ZZEF1: variants seen among roughly 807,000 people sequenced by gnomAD.
ZZEF1 encodes the protein zinc finger ZZ-type and EF-hand domain containing 1.
ZZEF1 carries 157 observed loss-of-function variants against 342.8 expected under a neutral mutation model. The observed-to-expected ratio is 0.46, with a 90% confidence interval of 0.40 to 0.52. The LOEUF is 0.52. Ranked by LOEUF, ZZEF1 falls within the 20% of genes least tolerant of loss-of-function variation. The probability of loss-of-function intolerance (pLI) is 0.00; values close to 1 mark genes in which losing one functional copy is unlikely to be tolerated. For missense variants in ZZEF1, 3,480 were observed against 3,725.6 expected, an observed-to-expected ratio of 0.93 and a Z score of 1.72; for synonymous variants, 1,505 against 1,429.1, an observed-to-expected ratio of 1.05 and a Z score of -1.20.
At chr17:4,040,104 G>C (rs749205788) in intron 39 of ZZEF1, among the ~76,000 whole-genome samples, 2 of 152,096 alleles carry the variant, frequency 1.3e-5, no homozygotes. Flanking sequence ...ACTTCTCATC[G>C]GTTGTTCTAG....
rs1373514119 is a variant in ZZEF1 at position 4,008,691 on chromosome 17, ACT to A, written c.8805+190_8805+191del. On this transcript the variant is annotated intron_variant, in intron 54 of 54. Transcript: ENST00000381638. The surrounding 1 kb of genome is among the most constrained non-coding windows in gnomAD (Gnocchi z 4.2). ...CTGACCCCACAGTTTAGAGTGAATG[ACT>A]CTGATAAATGGGGCTCGTGCATGCT... 4 of 1,360,218 alleles carry A rather than the reference ACT, an allele frequency of 2.9e-6. No homozygotes were observed. In the African/African-American group the frequency reaches 4.4e-5, roughly 15 times the overall value. 84.3% of individuals were successfully genotyped at this position (1,360,218 alleles called of 1,614,324 possible).
intron 40 of ZZEF1, 170 bp downstream of exon 40, chr17:4,033,845 A>T: frequency 1.2e-6 from 1 of 847,428 alleles, no homozygotes; most frequent in Non-Finnish European, 1.8e-6. Flanking sequence ...GCACAGTTTT[A>T]ATGTGGGTTG....
At chr17:4,057,491 C>T (rs559636953) in intron 32 of ZZEF1, among the ~76,000 whole-genome samples, 7 of 152,184 alleles carry the variant, frequency 4.6e-5, no homozygotes, top group Admixed American at 2.0e-4. Context: ...TGGAGAGATA[C>T]GGGCCAAATC....
chr17:4,074,965 A>T lies in ZZEF1; in HGVS notation c.3483+132T>A, dbSNP rs1168846451. The T allele has an allele frequency of 3.1e-6, 3 of 967,502 alleles. No individual in the cohort carries two copies. The African/African-American group carries it at 4.9e-5, about 16-fold the overall frequency. 59.9% of individuals were successfully genotyped at this position (967,502 alleles called of 1,614,324 possible). A position where few individuals can be genotyped will look rare whatever the true frequency, so the allele number is the denominator to read the frequency against. Reference sequence around the variant, plus strand: ...CTATAGCTGGTCAAACTCTGATATAAATCCTTCCTTTCACAAACGTGTAAC... The same window carrying T: ...CTATAGCTGGTCAAACTCTGATATATATCCTTCCTTTCACAAACGTGTAAC... On this transcript the variant is annotated intron_variant, in intron 23 of 54. Coordinates refer to ENST00000381638, the MANE Select transcript of ZZEF1 (RefSeq NM_015113.4).
chr17:4,078,062 C>T lies in ZZEF1; in HGVS notation c.2830-20G>A. The T allele has an allele frequency of 1.9e-6, 3 of 1,605,994 alleles. No homozygotes were observed. Among genetic ancestry groups the T allele is most frequent in the African/African-American group, 1.3e-5 (1 of 74,910 alleles). On this transcript the variant is annotated intron_variant, in intron 18 of 54. Transcript: ENST00000381638. ...CTCGCACTACAAGGGAGGAGACAAA[C>T]AGAAAGTGTTCGTGACAAGGCCATT...
intron 5 of ZZEF1, among the ~76,000 whole-genome samples, chr17:4,110,105 C>A (rs148115976): frequency 3.9e-4 from 59 of 152,206 alleles, no homozygotes; most frequent in African/African-American, 1.4e-3. Context: ...TAAGTCTTTA[C>A]AACAAAACTT....
intron 42 of ZZEF1, among the ~76,000 whole-genome samples, chr17:4,026,125 T>C (rs996842177): frequency 6.6e-6 from 1 of 152,164 alleles, no homozygotes; most frequent in East Asian, 1.9e-4. Flanking sequence ...GACCTGCACA[T>C]TTCTGTGAAA....
chr17:4,139,594 A>C (rs2058809670), intron 1 of ZZEF1, among the ~76,000 whole-genome samples: 1 of 152,258 alleles, frequency 6.6e-6, no homozygotes, highest in Admixed American at 6.5e-5. Flanking sequence ...CTAAGGATAG[A>C]CATTCTTAAA....
chr17:4,081,622 G>C, intron 17 of ZZEF1, 132 bp from the exon 18 acceptor site: 1 of 724,048 alleles, frequency 1.4e-6, no homozygotes, highest in Non-Finnish European at 2.3e-6. Flanking sequence ...TTTGGGTCAG[G>C]AATACAGGCT....
At position 4,049,835 on chromosome 17, in the gene ZZEF1, C is replaced by G. The variant is rs1430426999; in HGVS notation, c.5888G>C (p.Gly1963Ala). ...GKGLKALALL[G>A]VLPDGDSSLE... ...GCTCGAGTCCCCATCTGGCAATACA[C>G]CCAGCAAAGCTAGAGCTTTAAGGCC... Residue 1963 changes from glycine (G) to alanine (A), a missense_variant, in exon 37 of 55, where the codon GGT becomes GCT. Around this residue, in one of 5 missense-constraint regions of ZZEF1, gnomAD observed 1,269 missense variants for 1,342.4 expected, o/e 0.95. Coordinates refer to ENST00000381638, the MANE Select transcript of ZZEF1 (RefSeq NM_015113.4). 6.2e-7 allele frequency: 1 copy of G among 1,614,106 alleles called. No homozygotes were observed. Among genetic ancestry groups the G allele is most frequent in the Admixed American group, 1.7e-5 (1 of 60,016 alleles).
At chr17:4,101,528 A>T (rs1422998507) in intron 9 of ZZEF1, among the ~76,000 whole-genome samples, 1 of 152,230 alleles carries the variant, frequency 6.6e-6, no homozygotes, top group Non-Finnish European at 1.5e-5. Context: ...CAAAGTTGAA[A>T]AGCACATCAG....
At chr17:4,107,409 T>C (rs566693861) in intron 6 of ZZEF1, among the ~76,000 whole-genome samples, 1 of 151,520 alleles carries the variant, frequency 6.6e-6, no homozygotes, top group African/African-American at 2.4e-5. Context: ...TAAGGGGGAG[T>C]CGTCATGGTG....
chr17:4,035,716 T>C (rs906882912), intron 39 of ZZEF1, among the ~76,000 whole-genome samples: 1 of 152,108 alleles, frequency 6.6e-6, no homozygotes, highest in Non-Finnish European at 1.5e-5. Context: ...CCAAACAGCA[T>C]AAGGAGAGTG....
At position 4,050,918 on chromosome 17, in the gene ZZEF1, T is replaced by G. The variant is rs780059970; in HGVS notation, c.5726A>C (p.Tyr1909Ser). The G allele has an allele frequency of 6.2e-7, 1 of 1,614,162 alleles. No individual in the cohort carries two copies. The highest frequency in any genetic ancestry group is 1.1e-5 in the South Asian group (1 of 91,082). Residue 1909 changes from tyrosine to serine, a missense_variant, in exon 36 of 55, where the codon TAT (tyrosine) becomes TCT (serine). Physicochemically the swap from Tyr to Ser is moderately radical, Grantham distance 144 (BLOSUM62 -2). This residue lies in a region of ZZEF1 where 1,269 missense variants were observed against 1,342.4 expected (regional missense o/e 0.95). Coordinates refer to ENST00000381638, the MANE Select transcript of ZZEF1 (RefSeq NM_015113.4). ...SWLLFAALAL[Y>S]SAHLASAEDV... ...CTCTGCACTGGCCAGGTGGGCGCTA[T>G]AGAGAGCCAGGGCAGCAAAGAGCAG...
At chr17:4,058,892 C>G (rs2057226222) in intron 31 of ZZEF1, among the ~76,000 whole-genome samples, 1 of 151,900 alleles carries the variant, frequency 6.6e-6, no homozygotes, top group Non-Finnish European at 1.5e-5. Flanking sequence ...CCAAAAAATC[C>G]CTAATATACC....
At chr17:4,106,009 G>A (rs1333664967) in intron 6 of ZZEF1, among the ~76,000 whole-genome samples, 200 bp from the exon 7 acceptor site, 1 of 152,128 alleles carries the variant, frequency 6.6e-6, no homozygotes, top group African/African-American at 2.4e-5. Context: ...GAGTGCAGTG[G>A]TGCGATCTCG....
Position 4,017,085 on chromosome 17 carries a change from C to A in ZZEF1, c.8001+286G>T. The A allele has an allele frequency of 2.5e-6, 1 of 393,730 alleles. No homozygotes were observed. The highest frequency in any genetic ancestry group is 3.1e-5 in the South Asian group (1 of 31,968). 24.4% of individuals were successfully genotyped at this position (393,730 alleles called of 1,614,324 possible). On this transcript the variant is annotated intron_variant, in intron 48 of 54. Coordinates refer to ENST00000381638, the MANE Select transcript of ZZEF1 (RefSeq NM_015113.4). The surrounding 1 kb of genome is among the most constrained non-coding windows in gnomAD (Gnocchi z 5.1). ...TGTGAAGGTGGGTGAGGGACAGGAT[C>A]AAAAAGGAGCTACCGAATGTGCCTC...
rs575662652 is a variant in ZZEF1, at chr17:4,060,192, G to C, written c.4884-902C>G. On this transcript the variant is annotated intron_variant, in intron 30 of 54. Coordinates refer to ENST00000381638, the MANE Select transcript of ZZEF1 (RefSeq NM_015113.4). Reference sequence around the variant, plus strand: ...AGCTGACTAGTATGACTTTAAATTTGCAACCATAATGATCAAATAAGCCCT... The same window carrying C: ...AGCTGACTAGTATGACTTTAAATTTCCAACCATAATGATCAAATAAGCCCT... Among the ~76,000 whole-genome samples, 3 of 152,294 alleles carry C rather than the reference G, an allele frequency of 2.0e-5. No homozygotes were observed. In the South Asian group the frequency reaches 6.2e-4, roughly 32 times the overall value.
rs922998801 is a variant in ZZEF1, at chr17:4,004,546, G to C, written c.*2344C>G. The C allele has an allele frequency of 3.9e-5, 6 of 152,628 alleles. No homozygotes were observed. The East Asian group carries it at 9.6e-4, about 25-fold the overall frequency. 9.5% of individuals were successfully genotyped at this position (152,628 alleles called of 1,614,324 possible). On this transcript the variant is annotated 3_prime_UTR_variant, in exon 55 of 55. Transcript: ENST00000381638. ...CAGGCTGAACTCACTCAGGCTGATA[G>C]AATCAAAATTCTTTCAACCAAATAA...
Sources: gnomAD v4.1 joint callset for allele counts (sites outside exome capture counted in the v4.1 genomes callset) on GRCh38, gnomAD v4.1.1 for gene constraint, gnomAD v4.1.1 regional missense constraint, Gnocchi (gnomAD v3.1) non-coding constraint, MANE v1.5 for transcripts, NCBI Gene and HGNC (gene_info 2026-07-23, HGNC 2026-07-21) for gene names.